The following NOCT variants were observed in gnomAD, a reference collection of about 807,000 sequenced individuals.
The protein encoded by NOCT is CCR4 carbon catabolite repression 4-like.
NOCT carries 18 observed loss-of-function variants against 35.0 expected under a neutral mutation model. That is an observed-to-expected ratio of 0.51 (90% CI 0.36 to 0.76). The LOEUF (loss-of-function observed/expected upper bound fraction) is 0.76, where lower values mean the gene tolerates loss of function less well. Ranked by LOEUF, NOCT falls within the 30% of genes least tolerant of loss-of-function variation. The probability of loss-of-function intolerance (pLI) is 0.01; values close to 1 mark genes in which losing one functional copy is unlikely to be tolerated. For missense variants in NOCT, 479 were observed against 541.0 expected (o/e 0.89, Z 1.14); for synonymous variants, 235 against 226.3 (o/e 1.04, Z -0.34).
At chr4:139,028,813 G>T (rs1212924217) in intron 1 of NOCT, among the ~76,000 whole-genome samples, 2 of 152,166 alleles carry the variant, frequency 1.3e-5, no homozygotes, top group Non-Finnish European at 2.9e-5. Flanking sequence ...ACATTATCTC[G>T]AATGTTAATA....
intron 1 of NOCT, among the ~76,000 whole-genome samples, chr4:139,032,738 C>T (rs1272842538): frequency 6.6e-6 from 1 of 152,022 alleles, no homozygotes; most frequent in Non-Finnish European, 1.5e-5. Flanking sequence ...AGGAAATAAG[C>T]TTTGAATATT....
intron 1 of NOCT, among the ~76,000 whole-genome samples, chr4:139,029,816 G>A (rs1311051602): frequency 1.3e-5 from 2 of 152,104 alleles, no homozygotes; most frequent in Admixed American, 1.3e-4. Flanking sequence ...GACCTTCAGG[G>A]GACGTGTCAC....
At position 139,044,961 on chromosome 4, in the gene NOCT, A is replaced by G. The variant is rs1462931352; in HGVS notation, c.783A>G (p.Lys261=). 6.2e-7 allele frequency: 1 copy of G among 1,614,172 alleles called. No individual in the cohort carries two copies. The highest frequency in any genetic ancestry group is 1.3e-5 in the African/African-American group (1 of 75,026). Residue 261 remains lysine, a synonymous_variant, in exon 3 of 3, where the codon AAA becomes AAG. Coordinates refer to ENST00000280614, the MANE Select transcript of NOCT (RefSeq NM_012118.4). ...TTAGGCTGACAGCCATGACATTGAA[A>G]ACCAACCAGGTGGCCATTGCACAGA... ...ANIRLTAMTL[K]TNQVAIAQTL...
chr4:139,039,833 T>C (rs954241660), intron 1 of NOCT, among the ~76,000 whole-genome samples: 35 of 151,930 alleles, frequency 2.3e-4, no homozygotes, highest in African/African-American at 8.0e-4. Flanking sequence ...GTTCAAGCGA[T>C]TCTCCTGCCT....
intron 2 of NOCT, among the ~76,000 whole-genome samples, 177 bp from the exon 3 acceptor site, chr4:139,044,462 T>G (rs534713359): frequency 6.6e-6 from 1 of 152,324 alleles, no homozygotes; most frequent in South Asian, 2.1e-4. Context: ...GTTTGCTTCA[T>G]CCACATAGTG....
In NOCT at chr4:139,015,857, G is replaced by C. The variant is rs879810668; in HGVS notation, c.-125G>C. ...GGGATTTCCCCAGAACCTGCGCCGCGCGAGAAGGAGCCTGGGAGCATCCGC... is the reference window on the plus strand; with the variant it reads ...GGGATTTCCCCAGAACCTGCGCCGCCCGAGAAGGAGCCTGGGAGCATCCGC... On this transcript the variant is annotated 5_prime_UTR_variant, in exon 1 of 3. Coordinates refer to ENST00000280614, the MANE Select transcript of NOCT (RefSeq NM_012118.4). 37 of 730,208 alleles carry C rather than the reference G, an allele frequency of 5.1e-5. No homozygotes were observed. The highest frequency in any genetic ancestry group is 6.7e-5 in the Non-Finnish European group (36 of 538,584). 45.2% of individuals were successfully genotyped at this position (730,208 alleles called of 1,614,324 possible).
At chr4:139,023,791 T>A (rs1223915678) in intron 1 of NOCT, among the ~76,000 whole-genome samples, 1 of 152,116 alleles carries the variant, frequency 6.6e-6, no homozygotes, top group Non-Finnish European at 1.5e-5. Context: ...ATGCCCGGCC[T>A]TGCCTCTGAA....
At chr4:139,043,552 C>G in intron 2 of NOCT, 1 of 541,280 alleles carries the variant, frequency 1.8e-6, no homozygotes, top group East Asian at 3.0e-5. Flanking sequence ...AAAAAAGACA[C>G]TTTAATTGTT....
intron 1 of NOCT, among the ~76,000 whole-genome samples, chr4:139,042,673 T>A (rs1157815245): frequency 1.3e-5 from 2 of 152,108 alleles, no homozygotes; most frequent in Admixed American, 1.3e-4. Flanking sequence ...CCCAGCACTT[T>A]GGGAGGCCGA....
intron 1 of NOCT, among the ~76,000 whole-genome samples, chr4:139,030,488 C>G (rs1726603123): frequency 6.6e-6 from 1 of 152,088 alleles, no homozygotes; most frequent in Non-Finnish European, 1.5e-5. Flanking sequence ...GGCTTAAAGT[C>G]TCATGAGTAA....
At chr4:139,030,309 T>C (rs932086810) in intron 1 of NOCT, among the ~76,000 whole-genome samples, 2 of 152,208 alleles carry the variant, frequency 1.3e-5, no homozygotes, top group African/African-American at 2.4e-5. Flanking sequence ...GTAAAAATGC[T>C]TGGTATACCA....
chr4:139,035,314 G>A (rs1301808770), intron 1 of NOCT, among the ~76,000 whole-genome samples: 2 of 151,932 alleles, frequency 1.3e-5, no homozygotes, highest in African/African-American at 2.4e-5. Flanking sequence ...GTTTTGTTTT[G>A]TTGTAGAGAT....
intron 1 of NOCT, among the ~76,000 whole-genome samples, chr4:139,020,765 G>A (rs939081999): frequency 6.6e-6 from 1 of 152,022 alleles, no homozygotes; most frequent in African/African-American, 2.4e-5. Context: ...TTCTGGAAGA[G>A]CCTTAAGACC....
chr4:139,021,572 G>C (rs1726414452), intron 1 of NOCT, among the ~76,000 whole-genome samples: 1 of 152,092 alleles, frequency 6.6e-6, no homozygotes, highest in African/African-American at 2.4e-5. Flanking sequence ...GAGGAAACTT[G>C]AGACTGAGGT....
At chr4:139,017,899 A>AT (rs1269189860) in intron 1 of NOCT, among the ~76,000 whole-genome samples, 4 of 152,178 alleles carry the variant, frequency 2.6e-5, no homozygotes, top group Non-Finnish European at 4.4e-5. Flanking sequence ...TTGTTGGCAG[A>AT]TATTTAGGTA....
intron 1 of NOCT, among the ~76,000 whole-genome samples, chr4:139,038,301 T>C (rs947598655): frequency 1.2e-4 from 18 of 152,074 alleles, no homozygotes; most frequent in Non-Finnish European, 1.9e-4. Context: ...AGAATTCTCT[T>C]TTGAGGCCTT....
chr4:139,020,306 T>C (rs1726385670), intron 1 of NOCT, among the ~76,000 whole-genome samples: 1 of 152,244 alleles, frequency 6.6e-6, no homozygotes, highest in East Asian at 1.9e-4. Context: ...CTTTATTGAA[T>C]AGTACATGTA....
intron 1 of NOCT, among the ~76,000 whole-genome samples, chr4:139,033,171 C>A (rs748398525): frequency 6.6e-6 from 1 of 151,866 alleles, no homozygotes; most frequent in African/African-American, 2.4e-5. Flanking sequence ...TCAAGACCAG[C>A]CTAGCCAACG....
At chr4:139,024,964 G>T (rs1726485486) in intron 1 of NOCT, among the ~76,000 whole-genome samples, 1 of 152,182 alleles carries the variant, frequency 6.6e-6, no homozygotes, top group Admixed American at 6.6e-5. Context: ...CTTCCTTGTT[G>T]AATGCGTGAG....
Sources: allele counts gnomAD v4.1 joint callset (sites outside exome capture counted in the v4.1 genomes callset), GRCh38; gene constraint gnomAD v4.1.1; transcripts MANE v1.5; gene names NCBI Gene and HGNC (gene_info 2026-07-23, HGNC 2026-07-21).